BCKDHA: variants seen among roughly 807,000 people sequenced by gnomAD.
BCKDHA encodes the protein branched chain keto acid dehydrogenase E1 subunit alpha.
BCKDHA carries 43 observed loss-of-function variants against 52.2 expected under a neutral mutation model. The ratio of observed to expected loss-of-function variants is 0.82; its 90% confidence interval spans 0.64 to 1.06. The LOEUF is 1.06. BCKDHA is among the 50% of genes least tolerant of loss of function. The probability of loss-of-function intolerance (pLI) is 0.00; values close to 1 mark genes in which losing one functional copy is unlikely to be tolerated. For synonymous variants in BCKDHA, 234 were observed against 247.9 expected (o/e 0.94, Z 0.53); for missense variants, 527 against 621.3 (o/e 0.85, Z 1.61).
intron 1 of BCKDHA, among the ~76,000 whole-genome samples, 158 bp downstream of exon 1, chr19:41,398,093 C>T (rs902519895): frequency 6.6e-6 from 1 of 152,194 alleles, no homozygotes; most frequent in Admixed American, 6.5e-5. Context: ...GGAAGATCTG[C>T]CACTTCCTTA....
At chr19:41,401,647 G>C (rs1017400025) in intron 1 of BCKDHA, among the ~76,000 whole-genome samples, 5 of 152,154 alleles carry the variant, frequency 3.3e-5, no homozygotes, top group South Asian at 4.1e-4. Flanking sequence ...TCAGGGAAAG[G>C]AGGAGGAAGG....
chr19:41,422,270 C>T lies in BCKDHA; in HGVS notation c.753C>T (p.Asn251=), dbSNP rs1321604339. The change falls in exon 6 of 9, where the codon AAC becomes AAT. Residue 251 remains asparagine, a synonymous_variant. Coordinates refer to ENST00000269980, the MANE Select transcript of BCKDHA (RefSeq NM_000709.4). ...AGGGGGACGCCCATGCCGGCTTCAA[C>T]TTCGCTGCCACACTTGAGTGCCCCA... ...ASEGDAHAGF[N]FAATLECPII... The T allele has an allele frequency of 6.2e-7, 1 of 1,614,238 alleles. No individual in the cohort carries two copies. The highest frequency in any genetic ancestry group is 1.7e-5 in the Admixed American group (1 of 60,034).
intron 1 of BCKDHA, among the ~76,000 whole-genome samples, chr19:41,402,821 A>T (rs1045941229): frequency 6.6e-5 from 10 of 151,984 alleles, no homozygotes; most frequent in Non-Finnish European, 1.2e-4. Context: ...TTATATTTTT[A>T]ATAGAGACAG....
At chr19:41,406,568 T>C (rs1470794031) in intron 1 of BCKDHA, among the ~76,000 whole-genome samples, 3 of 148,932 alleles carry the variant, frequency 2.0e-5, no homozygotes, top group Admixed American at 2.0e-4. Flanking sequence ...CATTCCCAGC[T>C]AATTTTTTTT....
At chr19:41,399,161 A>G (rs887850821) in intron 1 of BCKDHA, among the ~76,000 whole-genome samples, 3 of 152,156 alleles carry the variant, frequency 2.0e-5, no homozygotes, top group African/African-American at 7.2e-5. Flanking sequence ...ATCTGTAGAA[A>G]GAAGCTCTGG....
intron 1 of BCKDHA, among the ~76,000 whole-genome samples, chr19:41,405,435 C>T (rs1388883361): frequency 6.6e-6 from 1 of 151,964 alleles, no homozygotes; most frequent in Non-Finnish European, 1.5e-5. Flanking sequence ...TACAGGTGTG[C>T]ACCACCATGC....
intron 3 of BCKDHA, among the ~76,000 whole-genome samples, chr19:41,413,536 A>C (rs2039278467): frequency 6.6e-6 from 1 of 152,126 alleles, no homozygotes; most frequent in African/African-American, 2.4e-5. Context: ...GACTCCATCC[A>C]TTTACCTCAC....
chr19:41,405,966 C>T (rs978091189), intron 1 of BCKDHA, among the ~76,000 whole-genome samples: 15 of 152,286 alleles, frequency 9.8e-5, no homozygotes, highest in Non-Finnish European at 2.9e-5. Context: ...GACTCCCCCA[C>T]CCCCTTCCAA....
chr19:41,410,833 C>T lies in BCKDHA; in HGVS notation c.288+17C>T. On this transcript the variant is annotated intron_variant, in intron 2 of 8. Coordinates refer to ENST00000269980, the MANE Select transcript of BCKDHA (RefSeq NM_000709.4). Reference sequence around the variant, plus strand: ...GACCCCCACGTGAGAGGCGGCCTCCCCCACTTCCCGTGCCCCCCACGCCCA... The same window carrying T: ...GACCCCCACGTGAGAGGCGGCCTCCTCCACTTCCCGTGCCCCCCACGCCCA... The T allele has an allele frequency of 6.2e-7, 1 of 1,614,046 alleles. No individual in the cohort carries two copies. The highest frequency in any genetic ancestry group is 8.5e-7 in the Non-Finnish European group (1 of 1,179,960).
chr19:41,411,412 C>A (rs2039252537), intron 3 of BCKDHA, among the ~76,000 whole-genome samples: 1 of 152,100 alleles, frequency 6.6e-6, no homozygotes, highest in Non-Finnish European at 1.5e-5. Context: ...GTATCAGGGA[C>A]AAGGATCCAG....
chr19:41,422,133 C>T lies in BCKDHA; in HGVS notation c.647-31C>T, dbSNP rs763255438. On this transcript the variant is annotated intron_variant, in intron 5 of 8. Transcript: ENST00000269980. ...GAGTGTGAGTGCATGTGAGTCTCCG[C>T]CCCTGCTCACCACCCTCTCATCCCC... 4.4e-6 allele frequency: 7 copies of T among 1,601,304 alleles called. No individual in the cohort carries two copies. In the East Asian group the frequency reaches 1.4e-4, roughly 31 times the overall value.
At chr19:41,413,918 C>T (rs2039282001) in intron 3 of BCKDHA, 131 bp from the exon 4 acceptor site, 2 of 795,164 alleles carry the variant, frequency 2.5e-6, no homozygotes, top group South Asian at 1.4e-5. Context: ...CCAGCATGGC[C>T]TGGCCCAGGA....
chr19:41,423,173 A>G lies in BCKDHA; in HGVS notation c.1167+4A>G, dbSNP rs546655391. On this transcript the variant is annotated splice_donor_region_variant and intron_variant, in intron 8 of 8. Coordinates refer to ENST00000269980, the MANE Select transcript of BCKDHA (RefSeq NM_000709.4). ...GAGGAAGCAGTCCCGCAGGAAGGTGAGGGTGCCCCGCCCGGGAGGGTGTGC... is the reference window on the plus strand; with the variant it reads ...GAGGAAGCAGTCCCGCAGGAAGGTGGGGGTGCCCCGCCCGGGAGGGTGTGC... 2.6e-6 allele frequency: 4 copies of G among 1,551,974 alleles called. No individual in the cohort carries two copies. The highest frequency in any genetic ancestry group is 2.7e-5 in the African/African-American group (2 of 73,262).
At chr19:41,398,853 T>C (rs1599945991) in intron 1 of BCKDHA, among the ~76,000 whole-genome samples, 2 of 152,296 alleles carry the variant, frequency 1.3e-5, no homozygotes, top group South Asian at 4.1e-4. Flanking sequence ...ACTGCACTTC[T>C]CTGGATCTAT....
Position 41,419,214 on chromosome 19 carries a change from G to T in BCKDHA, c.564G>T (p.Gly188=). 6.2e-7 allele frequency: 1 copy of T among 1,614,222 alleles called. No individual in the cohort carries two copies. The highest frequency in any genetic ancestry group is 8.5e-7 in the Non-Finnish European group (1 of 1,180,044). Residue 188 remains glycine (G), a synonymous_variant, in exon 5 of 9, where the codon GGG becomes GGT. Transcript: ENST00000269980. ...GCAACATCAGTGACTTGGGCAAGGG[G>T]CGCCAGATGCCTGTCCACTACGGCT... ...CYGNISDLGK[G]RQMPVHYGCK... is the part of the protein sequence containing the mutation.
At position 41,424,825 on chromosome 19, in the gene BCKDHA, G is replaced by GC. The variant is rs1008840646; in HGVS notation, c.*222dup. 7.2e-6 allele frequency: 4 copies of GC among 553,564 alleles called. No homozygotes were observed. The highest frequency in any genetic ancestry group is 1.3e-5 in the Non-Finnish European group (4 of 318,426). The allele number at this position is 553,564 out of a possible 1,614,324, so 34.3% of individuals were successfully genotyped here. ...TGCAGCAGTTGCTGAGGCTCCGTCA[G>GC]CCCCCTCTTCACCTGTTGTTACAGT... On this transcript the variant is annotated 3_prime_UTR_variant, in exon 9 of 9. Transcript: ENST00000269980.
rs904711508 is a variant in BCKDHA at position 41,422,768 on chromosome 19, C to T, written c.993C>T (p.Tyr331=). 3 of 1,613,018 alleles carry T rather than the reference C, an allele frequency of 1.9e-6. No homozygotes were observed. The highest frequency in any genetic ancestry group is 2.5e-6 in the Non-Finnish European group (3 of 1,180,024). ...CCTTCCTCATCGAGGCCATGACCTA[C>T]AGGTGCCTGCCGCTCCCCCCGTCAG... ...NQPFLIEAMT[Y]RIGHHSTSDD... The change falls in exon 7 of 9, where the codon TAC becomes TAT. Residue 331 remains tyrosine, a splice_region_variant and synonymous_variant. Coordinates refer to ENST00000269980, the MANE Select transcript of BCKDHA (RefSeq NM_000709.4).
chr19:41,420,183 A>G (rs2039349234), intron 5 of BCKDHA, among the ~76,000 whole-genome samples: 1 of 152,164 alleles, frequency 6.6e-6, no homozygotes, highest in Admixed American at 6.6e-5. Context: ...GGATTTCCCA[A>G]CCACATGCCT....
chr19:41,421,420 C>T (rs1182831818), intron 5 of BCKDHA, among the ~76,000 whole-genome samples: 2 of 151,134 alleles, frequency 1.3e-5, no homozygotes, highest in Non-Finnish European at 2.9e-5. Context: ...TGGGGTCCGT[C>T]ACTGGAGTGA....
Sources: gnomAD v4.1 joint callset for allele counts (sites outside exome capture counted in the v4.1 genomes callset) on GRCh38, gnomAD v4.1.1 for gene constraint, MANE v1.5 for transcripts, NCBI Gene and HGNC (gene_info 2026-07-23, HGNC 2026-07-21) for gene names.